Variants in USH2A observed in about 807,000 individuals in gnomAD.
USH2A encodes the protein Usher syndrome 2A (autosomal recessive, mild).
In USH2A, 443 loss-of-function variants were observed where a neutral mutation model predicts 538.9. The ratio of observed to expected loss-of-function variants is 0.82; its 90% CI spans 0.76 to 0.89. The LOEUF (loss-of-function observed/expected upper bound fraction) is 0.89. Among genes scored for constraint, USH2A ranks in the 40% least tolerant of loss-of-function variants. The probability of loss-of-function intolerance (pLI) is 0.00; values close to 1 mark genes in which losing one functional copy is unlikely to be tolerated. For synonymous variants in USH2A, 2,413 were observed against 2,273.5 expected (o/e 1.06, Z -1.75); for missense variants, 6,633 against 6,324.8 (o/e 1.05, Z -1.65).
intron 61 of USH2A, among the ~76,000 whole-genome samples, chr1:215,716,062 G>T (rs2102702458): frequency 6.6e-6 from 1 of 152,302 alleles, no homozygotes; most frequent in African/African-American, 2.4e-5. Flanking sequence ...TTTGGTGAAG[G>T]AATTCGAACA....
In USH2A at chr1:216,422,098, G is replaced by T; in HGVS notation, c.239C>A (p.Thr80Asn). Residue 80 changes from threonine to asparagine, a missense_variant, in exon 2 of 72, where the codon ACC (threonine) becomes AAC (asparagine). Physicochemically the swap from Thr to Asn is moderately conservative, Grantham distance 65 (BLOSUM62 0). Transcript: ENST00000307340. ...SAAAESIQFC[T>N]QRFCIQDCPY... ...GCAATCCTGAATACAAAACCGCTGG[G>T]TACAGAACTGAATACTTTCAGCAGC... 6.2e-7 allele frequency: 1 copy of T among 1,613,794 alleles called. No homozygotes were observed. The highest frequency in any genetic ancestry group is 8.5e-7 in the Non-Finnish European group (1 of 1,179,890).
chr1:216,044,754 A>C (rs752139960), intron 32 of USH2A, among the ~76,000 whole-genome samples: 2 of 152,146 alleles, frequency 1.3e-5, no homozygotes, highest in Non-Finnish European at 1.5e-5. Context: ...GTTAGTACCA[A>C]AGCCTCCGAC....
chr1:215,780,074 G>A (rs764935945), intron 54 of USH2A, 33 bp from the exon 55 acceptor site: 2 of 1,608,562 alleles, frequency 1.2e-6, no homozygotes, highest in South Asian at 2.2e-5. Flanking sequence ...GCAATTTATT[G>A]TAATAGTGCA....
At chr1:216,349,531 C>T (rs922367352) in intron 4 of USH2A, among the ~76,000 whole-genome samples, 16 of 152,130 alleles carry the variant, frequency 1.1e-4, no homozygotes, top group Non-Finnish European at 2.1e-4. Flanking sequence ...CCAGCTAAAA[C>T]CCACGAAAAC....
chr1:215,635,531 T>TTTTTTTTTTTTA (rs371509167), intron 69 of USH2A, among the ~76,000 whole-genome samples: 1 of 142,068 alleles, frequency 7.0e-6, no homozygotes, highest in Non-Finnish European at 1.5e-5. Context: ...GTAGGATTAT[T>TTTTTTTTTTTTA]TTTATTTATT....
At chr1:215,841,581 C>T (rs10864209) in intron 46 of USH2A, among the ~76,000 whole-genome samples, 13,720 of 152,164 alleles carry the variant, frequency 0.09, 655 homozygotes, top group East Asian at 0.19. Flanking sequence ...AAACCCAAAA[C>T]TATAAAAATC....
rs572646129 is a variant in USH2A at position 216,038,909 on chromosome 1, A to C, written c.6325+7522T>G. ...AATATTATTCCCATGATTCTTCTAA[A>C]ATCCCTTTAAGCATAGAATCTTTCC... On this transcript the variant is annotated intron_variant, in intron 32 of 71. Transcript: ENST00000307340. Among the ~76,000 whole-genome samples, 25 of 152,146 alleles carry C rather than the reference A, an allele frequency of 1.6e-4. 2 individuals are homozygous for C. In the South Asian group the frequency reaches 5.2e-3, roughly 32 times the overall value.
chr1:215,629,380 C>T (rs902964119), intron 70 of USH2A, among the ~76,000 whole-genome samples: 1 of 152,128 alleles, frequency 6.6e-6, no homozygotes. Context: ...GCAAGGCAGA[C>T]GGATGATGGG....
At chr1:216,190,171 T>G (rs1296330357) in intron 20 of USH2A, 52 bp downstream of exon 20, 1 of 1,607,236 alleles carries the variant, frequency 6.2e-7, no homozygotes, top group East Asian at 2.2e-5. Flanking sequence ...ATATTATAAG[T>G]TTTTTTTCTT....
chr1:215,850,041 A>G (rs531739702), intron 44 of USH2A, among the ~76,000 whole-genome samples: 3 of 152,284 alleles, frequency 2.0e-5, no homozygotes, highest in East Asian at 1.9e-4. Context: ...AGACAGAAAG[A>G]TTAATCAAGA....
intron 13 of USH2A, 34 bp from the exon 14 acceptor site, chr1:216,232,170 C>T: frequency 6.3e-7 from 1 of 1,577,674 alleles, no homozygotes; most frequent in Non-Finnish European, 8.6e-7. Context: ...TTTATATATA[C>T]TTTTTATCCA....
chr1:215,892,772 T>TA (rs1050977596), intron 40 of USH2A, among the ~76,000 whole-genome samples: 4 of 152,036 alleles, frequency 2.6e-5, no homozygotes, highest in African/African-American at 9.7e-5. Context: ...CTGACTCTGA[T>TA]AAAAAAGGAA....
intron 61 of USH2A, among the ~76,000 whole-genome samples, chr1:215,687,437 C>T (rs1317638609): frequency 3.3e-5 from 5 of 151,728 alleles, no homozygotes; most frequent in African/African-American, 1.2e-4. Flanking sequence ...AAAAAGAAGA[C>T]TCAATTCACA....
At chr1:215,870,010 G>A (rs1310358202) in intron 43 of USH2A, among the ~76,000 whole-genome samples, 2 of 152,118 alleles carry the variant, frequency 1.3e-5, no homozygotes, top group Non-Finnish European at 1.5e-5. Flanking sequence ...GAGTTTATCT[G>A]CTACAAATAA....
intron 9 of USH2A, among the ~76,000 whole-genome samples, chr1:216,319,967 T>C (rs1159384365): frequency 2.0e-5 from 3 of 152,120 alleles, no homozygotes; most frequent in East Asian, 3.9e-4. Flanking sequence ...TGTTCACAAG[T>C]CATACATGAG....
At chr1:215,985,562 T>C (rs1411784526) in intron 35 of USH2A, among the ~76,000 whole-genome samples, 1 of 152,218 alleles carries the variant, frequency 6.6e-6, no homozygotes, top group Non-Finnish European at 1.5e-5. Flanking sequence ...TTTCATGGGC[T>C]AGTTATGGGA....
chr1:215,911,902 A>C (rs952301486), intron 38 of USH2A, among the ~76,000 whole-genome samples: 4 of 152,018 alleles, frequency 2.6e-5, no homozygotes, highest in African/African-American at 7.2e-5. Flanking sequence ...GACATAAGCC[A>C]TTTTAACTGG....
chr1:216,214,614 G>A (rs1377682657), intron 15 of USH2A, among the ~76,000 whole-genome samples: 1 of 151,892 alleles, frequency 6.6e-6, no homozygotes, highest in Non-Finnish European at 1.5e-5. Context: ...TCTACAATTG[G>A]ATTATAGTAA....
intron 9 of USH2A, among the ~76,000 whole-genome samples, chr1:216,313,568 TAA>T (rs1271921577): frequency 1.2e-4 from 18 of 152,178 alleles, no homozygotes; most frequent in Non-Finnish European, 7.4e-5. Context: ...TTTAACGCAG[TAA>T]ATTTTCCTCT....
Sources: gnomAD v4.1 joint callset for allele counts (sites outside exome capture counted in the v4.1 genomes callset) on GRCh38, gnomAD v4.1.1 for gene constraint, MANE v1.5 for transcripts, NCBI Gene and HGNC (gene_info 2026-07-23, HGNC 2026-07-21) for gene names.